The following NRCAM variants were observed in gnomAD, a reference collection of about 807,000 sequenced individuals.
NRCAM encodes the protein NgCAM-related cell adhesion molecule.
Under a neutral mutation model 156.5 loss-of-function variants are expected in NRCAM, and 83 were observed. That is an observed-to-expected ratio of 0.53 (90% CI 0.44 to 0.64). NRCAM has a LOEUF of 0.64. NRCAM is among the 30% of genes least tolerant of loss of function. The pLI, the probability that NRCAM is intolerant of heterozygous loss-of-function variation, is 0.00. For synonymous variants in NRCAM, 538 were observed against 563.9 expected (o/e 0.95, Z 0.65); for missense variants, 1,417 against 1,597.3 (o/e 0.89, Z 1.92).
chr7:108,302,869 T>C (rs1361886604), intron 3 of NRCAM, among the ~76,000 whole-genome samples: 2 of 152,220 alleles, frequency 1.3e-5, no homozygotes, highest in East Asian at 1.9e-4. Context: ...AAACTCAGTA[T>C]AGTATATTCA....
chr7:108,215,445 G>A (rs2087693342), intron 11 of NRCAM, among the ~76,000 whole-genome samples: 1 of 151,762 alleles, frequency 6.6e-6, no homozygotes, highest in Non-Finnish European at 1.5e-5. Context: ...TCGATCTCCT[G>A]ACCTCATGAT....
chr7:108,287,663 A>G (rs571431470), intron 3 of NRCAM, among the ~76,000 whole-genome samples: 67 of 152,154 alleles, frequency 4.4e-4, no homozygotes, highest in African/African-American at 1.6e-3. Context: ...CACATGAGAT[A>G]CCATCTAACA....
chr7:108,264,339 A>G (rs1412664662), intron 3 of NRCAM, among the ~76,000 whole-genome samples: 1 of 152,090 alleles, frequency 6.6e-6, no homozygotes, highest in African/African-American at 2.4e-5. Context: ...GACATATTTA[A>G]TGCTGCATTA....
intron 29 of NRCAM, 67 bp from the exon 30 acceptor site, chr7:108,167,140 A>G (rs2054960374): frequency 8.2e-7 from 1 of 1,219,588 alleles, no homozygotes; most frequent in Non-Finnish European, 1.2e-6. Context: ...TTAATGCTTC[A>G]AGAAAGGAAA....
chr7:108,166,428 A>C (rs988980061), intron 30 of NRCAM, among the ~76,000 whole-genome samples: 1 of 151,756 alleles, frequency 6.6e-6, no homozygotes, highest in African/African-American at 2.4e-5. Flanking sequence ...TTGTATTTTT[A>C]GTAGAGACGG....
chr7:108,441,278 AAACT>A (rs1326458766), intron 1 of NRCAM, among the ~76,000 whole-genome samples: 1 of 152,202 alleles, frequency 6.6e-6, no homozygotes, highest in Non-Finnish European at 1.5e-5. Flanking sequence ...CAAAATTTTA[AAACT>A]AATAATGTAC....
At chr7:108,150,914 C>A (rs2041145617) in intron 32 of NRCAM, among the ~76,000 whole-genome samples, 1 of 152,030 alleles carries the variant, frequency 6.6e-6, no homozygotes, top group Non-Finnish European at 1.5e-5. Context: ...CCAATATATT[C>A]TAAAGAATGT....
chr7:108,168,851 T>TA (rs1159360827), intron 28 of NRCAM, among the ~76,000 whole-genome samples: 1 of 152,188 alleles, frequency 6.6e-6, no homozygotes, highest in Non-Finnish European at 1.5e-5. Flanking sequence ...TGCAGGTCTT[T>TA]AAAAAATCTG....
intron 3 of NRCAM, among the ~76,000 whole-genome samples, chr7:108,303,056 G>T (rs1209809351): frequency 6.6e-6 from 1 of 152,092 alleles, no homozygotes; most frequent in Non-Finnish European, 1.5e-5. Flanking sequence ...CTGCCTCCTG[G>T]GTTCAAGCAA....
intron 3 of NRCAM, among the ~76,000 whole-genome samples, chr7:108,264,343 T>C (rs1172512938): frequency 1.3e-5 from 2 of 152,240 alleles, no homozygotes; most frequent in African/African-American, 4.8e-5. Context: ...TATTTAATGC[T>C]GCATTATTTT....
chr7:108,401,391 A>T (rs534833127), intron 1 of NRCAM, among the ~76,000 whole-genome samples: 135 of 152,070 alleles, frequency 8.9e-4, no homozygotes, highest in African/African-American at 3.2e-3. Context: ...AACAAAAAAA[A>T]TTATCTGGGT....
At chr7:108,324,053 G>A (rs1292902193) in intron 2 of NRCAM, among the ~76,000 whole-genome samples, 1 of 152,012 alleles carries the variant, frequency 6.6e-6, no homozygotes, top group African/African-American at 2.4e-5. Flanking sequence ...ATGGAAAGGG[G>A]CACCACATGA....
chr7:108,447,085 G>A (rs929662061), intron 1 of NRCAM, among the ~76,000 whole-genome samples: 4 of 151,770 alleles, frequency 2.6e-5, no homozygotes, highest in African/African-American at 9.7e-5. Context: ...GTTTCACTTG[G>A]TATCTATTTG....
At chr7:108,352,050 C>T (rs1255307477) in intron 2 of NRCAM, among the ~76,000 whole-genome samples, 1 of 152,142 alleles carries the variant, frequency 6.6e-6, no homozygotes, top group Non-Finnish European at 1.5e-5. Context: ...GTCCTTAATG[C>T]CTGAGTAGCA....
At chr7:108,293,255 G>A (rs906214348) in intron 3 of NRCAM, among the ~76,000 whole-genome samples, 2 of 152,088 alleles carry the variant, frequency 1.3e-5, no homozygotes, top group Non-Finnish European at 2.9e-5. Flanking sequence ...TGAAAACTGT[G>A]CTTCTAATTG....
chr7:108,435,277 A>G (rs942918359), intron 1 of NRCAM, among the ~76,000 whole-genome samples: 1 of 152,240 alleles, frequency 6.6e-6, no homozygotes, highest in Non-Finnish European at 1.5e-5. Flanking sequence ...ATTTCTCTAC[A>G]GGCACTCATA....
chr7:108,413,039 A>T (rs1389688113), intron 1 of NRCAM, among the ~76,000 whole-genome samples: 1 of 151,994 alleles, frequency 6.6e-6, no homozygotes, highest in African/African-American at 2.4e-5. Flanking sequence ...TTTTTTTTGG[A>T]CATATGCCCA....
At chr7:108,376,204 A>G (rs2099674935) in intron 2 of NRCAM, among the ~76,000 whole-genome samples, 1 of 152,180 alleles carries the variant, frequency 6.6e-6, no homozygotes, top group Admixed American at 6.5e-5. Context: ...AGCTTGGTCA[A>G]TTAAATACCT....
intron 1 of NRCAM, among the ~76,000 whole-genome samples, chr7:108,439,897 G>C (rs1158856385): frequency 6.6e-6 from 1 of 150,884 alleles, no homozygotes; most frequent in Non-Finnish European, 1.5e-5. Context: ...CAAGAAGCTG[G>C]AACCCTCAGG....
Sources: gnomAD v4.1 joint callset for allele counts (sites outside exome capture counted in the v4.1 genomes callset) on GRCh38, gnomAD v4.1.1 for gene constraint, MANE v1.5 for transcripts, NCBI Gene and HGNC (gene_info 2026-07-23, HGNC 2026-07-21) for gene names.